The following PCDH15 variants were observed in gnomAD, a reference collection of about 807,000 sequenced individuals.
The protein encoded by PCDH15 is protocadherin related 15.
Under a neutral mutation model 178.5 loss-of-function variants are expected in PCDH15, and 129 were observed. That is an observed-to-expected ratio of 0.72 (90% CI 0.63 to 0.84). The LOEUF is 0.84. Among genes scored for constraint, PCDH15 ranks in the 40% least tolerant of loss-of-function variants. The pLI, the probability that PCDH15 is intolerant of heterozygous loss-of-function variation, is 0.00. For synonymous variants in PCDH15, 800 were observed against 732.0 expected, an observed-to-expected ratio of 1.09 and a Z score of -1.50; for missense variants, 2,230 against 2,099.9, an observed-to-expected ratio of 1.06 and a Z score of -1.21.
chr10:54,896,735 G>A (rs1309530468), intron 3 of PCDH15, among the ~76,000 whole-genome samples: 4 of 152,044 alleles, frequency 2.6e-5, no homozygotes, highest in African/African-American at 4.8e-5. Context: ...GGTTACAAGA[G>A]TCTCTTCAAA....
At chr10:54,584,165 T>C (rs1480426871) in intron 2 of PCDH15, among the ~76,000 whole-genome samples, 1 of 152,050 alleles carries the variant, frequency 6.6e-6, no homozygotes, top group African/African-American at 2.4e-5. Context: ...GGAGAATGAC[T>C]TGAGCTCAGG....
intron 18 of PCDH15, among the ~76,000 whole-genome samples, chr10:54,064,314 T>G (rs1005171471): frequency 9.2e-5 from 14 of 152,312 alleles, no homozygotes; most frequent in East Asian, 1.9e-4. Context: ...AGGGTTTTTT[T>G]GGGCTCAGAA....
rs1386391343 is a variant in PCDH15, at chr10:53,911,820, A to G, written c.3374-8450T>C. Among the ~76,000 whole-genome samples the G allele has an allele frequency of 4.6e-5, 7 of 152,286 alleles. No homozygotes were observed. In the South Asian group the frequency reaches 1.2e-3, roughly 27 times the overall value. On this transcript the variant is annotated intron_variant, in intron 25 of 37. Coordinates refer to ENST00000644397, the MANE Select transcript of PCDH15 (RefSeq NM_001384140.1). ...ATAATTAATAGCCTACCAACCAAAA[A>G]CAAAGTCCGGGACCAGACAGATTCA...
chr10:55,420,292 CTGGTAAAGCTCATA>C lies in PCDH15; in HGVS notation c.-156+207319_-156+207332del, dbSNP rs1258272457. 3.3e-5 allele frequency among the ~76,000 whole-genome samples: 5 copies of C among 150,414 alleles called. No homozygotes were observed. The East Asian group carries it at 7.8e-4, about 23-fold the overall frequency. ...TACTATAAGCGTTGGAATTGAGTAG[CTGGTAAAGCTCATA>C]TGGTAAAGCTCATATGGCCTGCAAA... On this transcript the variant is annotated intron_variant, in intron 2 of 5. Transcript: ENST00000613346.
chr10:55,441,732 A>G lies in PCDH15; in HGVS notation c.-156+185893T>C, dbSNP rs117664704. Among the ~76,000 whole-genome samples the G allele has an allele frequency of 2.8e-4, 42 of 152,334 alleles. 1 individual carries two copies. The East Asian group carries it at 8.1e-3, about 29-fold the overall frequency. On this transcript the variant is annotated intron_variant, in intron 2 of 5. Coordinates refer to the PCDH15 transcript ENST00000613346. ...GATAGAGTGAATGGTGGCTCAAAAA[A>G]TATATGACAATCTCCTAACTCTGAT... is the stretch of plus-strand genomic sequence containing the variant.
chr10:54,147,150 C>T (rs73243517), intron 14 of PCDH15, among the ~76,000 whole-genome samples: 2,340 of 151,116 alleles, frequency 0.015, 75 homozygotes, highest in African/African-American at 0.054. Context: ...AGGATTAACT[C>T]CTCTCCAGAA....
intron 33 of PCDH15, among the ~76,000 whole-genome samples, chr10:53,819,844 A>G (rs2076193524): frequency 6.6e-6 from 1 of 152,050 alleles, no homozygotes; most frequent in South Asian, 2.1e-4. Context: ...TAATGACATT[A>G]GGAATCTCCA....
At chr10:55,616,756 T>C (rs1330227721) in intron 2 of PCDH15, among the ~76,000 whole-genome samples, 4 of 152,078 alleles carry the variant, frequency 2.6e-5, no homozygotes, top group Admixed American at 1.3e-4. Flanking sequence ...AAAACATAGG[T>C]AAGAACACTG....
chr10:54,478,179 T>C (rs2078421434), intron 3 of PCDH15, among the ~76,000 whole-genome samples: 1 of 152,096 alleles, frequency 6.6e-6, no homozygotes, highest in South Asian at 2.1e-4. Context: ...CTAGCACAAA[T>C]ATCCTGCTTC....
intron 3 of PCDH15, among the ~76,000 whole-genome samples, chr10:54,523,194 A>G (rs2083053378): frequency 6.6e-6 from 1 of 152,216 alleles, no homozygotes; most frequent in Admixed American, 6.5e-5. Context: ...ACTTGGATCA[A>G]TAATAAACAA....
chr10:55,164,048 A>G (rs1408925851), intron 2 of PCDH15, among the ~76,000 whole-genome samples: 2 of 152,168 alleles, frequency 1.3e-5, no homozygotes, highest in East Asian at 3.9e-4. Context: ...CCGGTTACAT[A>G]ACCCCAGACC....
At chr10:54,194,689 T>C (rs2049407049) in intron 11 of PCDH15, among the ~76,000 whole-genome samples, 1 of 151,008 alleles carries the variant, frequency 6.6e-6, no homozygotes, top group Admixed American at 6.6e-5. Flanking sequence ...TCTATCTATC[T>C]ATATCTGTAT....
chr10:54,129,502 A>G (rs1339577114), intron 15 of PCDH15, among the ~76,000 whole-genome samples: 2 of 152,220 alleles, frequency 1.3e-5, no homozygotes, highest in Admixed American at 6.5e-5. Context: ...TGATGGACAT[A>G]TAGTGTGAGT....
At chr10:54,775,271 G>T (rs999531438) in intron 1 of PCDH15, among the ~76,000 whole-genome samples, 4 of 152,140 alleles carry the variant, frequency 2.6e-5, no homozygotes, top group Admixed American at 6.5e-5. Flanking sequence ...ATTAATGACT[G>T]ATGTTTTCAC....
intron 3 of PCDH15, among the ~76,000 whole-genome samples, chr10:54,884,581 T>G (rs1206337550): frequency 6.6e-6 from 1 of 151,868 alleles, no homozygotes; most frequent in South Asian, 2.1e-4. Context: ...GACCAGATTC[T>G]CAAGAGTATA....
chr10:54,161,169 C>T (rs998682186), intron 13 of PCDH15, among the ~76,000 whole-genome samples: 7 of 152,060 alleles, frequency 4.6e-5, no homozygotes, highest in Non-Finnish European at 8.8e-5. Flanking sequence ...AACAGATAAG[C>T]AGAATGTGTT....
chr10:54,080,275 T>G (rs190566461), intron 16 of PCDH15, among the ~76,000 whole-genome samples: 2 of 152,234 alleles, frequency 1.3e-5, no homozygotes, highest in East Asian at 3.9e-4. Flanking sequence ...TTTTAATACC[T>G]ACTCCTTATC....
chr10:54,405,747 T>A (rs1952579967), intron 3 of PCDH15, among the ~76,000 whole-genome samples: 1 of 151,284 alleles, frequency 6.6e-6, no homozygotes, highest in South Asian at 2.1e-4. Flanking sequence ...GGTACAAATA[T>A]ATTTATGTAA....
At chr10:53,893,944 T>C (rs1442383893) in intron 26 of PCDH15, among the ~76,000 whole-genome samples, 1 of 152,154 alleles carries the variant, frequency 6.6e-6, no homozygotes, top group Non-Finnish European at 1.5e-5. Context: ...AAAATACTTT[T>C]TTGCTAAACT....
Sources: allele counts gnomAD v4.1 joint callset (sites outside exome capture counted in the v4.1 genomes callset), GRCh38; gene constraint gnomAD v4.1.1; transcripts MANE v1.5; gene names NCBI Gene and HGNC (gene_info 2026-07-23, HGNC 2026-07-21).